The following PDXDC1 variants were observed in gnomAD, a reference collection of about 807,000 sequenced individuals.
PDXDC1 encodes pyridoxal-dependent decarboxylase domain-containing protein 1.
A neutral mutation model predicts 100.1 loss-of-function variants in PDXDC1; 42 were observed. The ratio of observed to expected loss-of-function variants is 0.42; its 90% confidence interval spans 0.33 to 0.54. The LOEUF is 0.54. Among genes scored for constraint, PDXDC1 ranks in the 20% least tolerant of loss-of-function variants. PDXDC1 has a pLI of 0.10. For synonymous variants in PDXDC1, 260 were observed against 371.7 expected, an observed-to-expected ratio of 0.70 and a Z score of 3.46; for missense variants, 636 against 979.2, an observed-to-expected ratio of 0.65 and a Z score of 4.68.
downstream of PDXDC1, among the ~76,000 whole-genome samples, chr16:15,144,032 C>G (rs1298697902): frequency 6.6e-5 from 10 of 152,192 alleles, no homozygotes; most frequent in Non-Finnish European, 2.9e-5. Context: ...CCTCCCTCGG[C>G]AGGGGCAGGA....
downstream of PDXDC1, among the ~76,000 whole-genome samples, chr16:15,139,925 A>G (rs574054522): frequency 9.5e-4 from 144 of 152,092 alleles, no homozygotes; most frequent in African/African-American, 2.9e-3. Flanking sequence ...GTGAAACCCC[A>G]TCTCTACTAA....
chr16:15,047,210 T>G, intron 16 of PDXDC1: 1 of 524,408 alleles, frequency 1.9e-6, no homozygotes, highest in South Asian at 2.9e-5. Context: ...AAGTTCAAAG[T>G]CAAGCCTTCC....
chr16:14,983,353 A>G (rs1187967842), intron 1 of PDXDC1, among the ~76,000 whole-genome samples: 3 of 152,214 alleles, frequency 2.0e-5, no homozygotes, highest in Non-Finnish European at 4.4e-5. Context: ...CGGGCAGATC[A>G]TGAGGTCAGG....
the PDXDC1 span, among the ~76,000 whole-genome samples, chr16:15,146,942 C>G: frequency 1.3e-5 from 2 of 152,058 alleles, no homozygotes; most frequent in Non-Finnish European, 2.9e-5. Flanking sequence ...GGACCAAGGT[C>G]ACACCAGAAG....
intron 16 of PDXDC1, chr16:15,135,935 T>C: frequency 6.3e-7 from 1 of 1,579,186 alleles, no homozygotes; most frequent in East Asian, 2.2e-5. Context: ...CCGGCTCACG[T>C]CCACGCCGGG....
At chr16:15,148,247 G>A in the PDXDC1 span, among the ~76,000 whole-genome samples, 2 of 151,892 alleles carry the variant, frequency 1.3e-5, no homozygotes, top group South Asian at 2.1e-4. Flanking sequence ...GTGAGGCACC[G>A]CGCCCGGCTG....
In PDXDC1 at chr16:15,033,319, A is replaced by C; in HGVS notation, c.1732A>C (p.Met578Leu). The C allele has an allele frequency of 1.2e-6, 2 of 1,614,212 alleles. No homozygotes were observed. The highest frequency in any genetic ancestry group is 1.7e-6 in the Non-Finnish European group (2 of 1,180,008). Residue 578 changes from methionine to leucine, a missense_variant, in exon 19 of 23, where the codon ATG becomes CTG. Transcript: ENST00000396410. ...KSMKSCLYVG[M>L]ASDNVDAAEL... Reference sequence around the variant, plus strand: ...CATGAAGAGCTGCCTTTATGTCGGCATGGCGAGCGACAACGTCGATGCTGC... The same window carrying C: ...CATGAAGAGCTGCCTTTATGTCGGCCTGGCGAGCGACAACGTCGATGCTGC...
At chr16:15,063,196 C>A in intron 16 of PDXDC1, 1 of 1,600,694 alleles carries the variant, frequency 6.2e-7, no homozygotes, top group Non-Finnish European at 8.6e-7. Context: ...ACAAACTGAC[C>A]TTTTTCATGG....
intron 16 of PDXDC1, chr16:15,129,822 G>T: frequency 1.3e-6 from 1 of 749,386 alleles, no homozygotes; most frequent in Admixed American, 2.0e-5. Context: ...CTCCCAGAGG[G>T]TGCAACCAGC....
At position 14,989,454 on chromosome 16, in the gene PDXDC1, A is replaced by G. The variant is rs992130699; in HGVS notation, c.22-8299A>G. The G allele has an allele frequency of 2.5e-6, 4 of 1,609,358 alleles. No homozygotes were observed. The African/African-American group carries it at 5.3e-5, about 21-fold the overall frequency. On this transcript the variant is annotated intron_variant, in intron 1 of 22. Coordinates refer to ENST00000396410, the MANE Select transcript of PDXDC1 (RefSeq NM_015027.4). ...GAACTGATGGTCTCCGACCTTCTCC[A>G]GGGTACTGGTGAAGGCCTTGGGGGC...
At chr16:15,033,779 C>A (rs2043219296) in intron 19 of PDXDC1, among the ~76,000 whole-genome samples, 1 of 152,172 alleles carries the variant, frequency 6.6e-6, no homozygotes, top group Non-Finnish European at 1.5e-5. Context: ...GTGTGGTTCC[C>A]CCTACACCCC....
At chr16:14,994,280 A>G (rs376982438) in intron 1 of PDXDC1, among the ~76,000 whole-genome samples, 1 of 152,264 alleles carries the variant, frequency 6.6e-6, no homozygotes, top group African/African-American at 2.4e-5. Flanking sequence ...TAGGTCTAAC[A>G]TTTAAGTCTT....
chr16:15,078,550 A>C (rs567649450), intron 16 of PDXDC1, among the ~76,000 whole-genome samples: 1 of 152,246 alleles, frequency 6.6e-6, no homozygotes, highest in Non-Finnish European at 1.5e-5. Flanking sequence ...CTTTCTAAAA[A>C]ATGACAGCAG....
intron 16 of PDXDC1, chr16:15,070,177 G>A: frequency 6.2e-7 from 1 of 1,609,882 alleles, no homozygotes; most frequent in Non-Finnish European, 8.5e-7. Flanking sequence ...ATCGCAGAAT[G>A]CCTTTGTTCC....
chr16:15,146,185 C>T, the PDXDC1 span, among the ~76,000 whole-genome samples: 2 of 152,158 alleles, frequency 1.3e-5, no homozygotes, highest in African/African-American at 4.8e-5. Context: ...ACAGAGATGG[C>T]TCCAGCAGGA....
upstream of PDXDC1, chr16:14,975,010 G>C: frequency 3.3e-6 from 5 of 1,534,694 alleles, no homozygotes; most frequent in Non-Finnish European, 4.4e-6. Flanking sequence ...AGCGCTACGG[G>C]GCCCCGCCCC....
intron 16 of PDXDC1, among the ~76,000 whole-genome samples, chr16:15,058,412 C>A (rs1488446462): frequency 1.3e-5 from 2 of 152,142 alleles, no homozygotes; most frequent in African/African-American, 4.8e-5. Flanking sequence ...AGAATATATA[C>A]AGGGAAATAT....
At chr16:15,023,628 CAGCCTGGGTGACAGAG>C (rs1315684625) in intron 13 of PDXDC1, among the ~76,000 whole-genome samples, 2 of 152,262 alleles carry the variant, frequency 1.3e-5, no homozygotes, top group African/African-American at 4.8e-5. Context: ...CTCTGCACTC[CAGCCTGGGTGACAGAG>C]ACCCTGTCTC....
chr16:15,097,642 CAA>C (rs139975371), intron 16 of PDXDC1, among the ~76,000 whole-genome samples: 37 of 115,666 alleles, frequency 3.2e-4, no homozygotes, highest in Middle Eastern at 4.0e-3. Flanking sequence ...ACTCCGTCTC[CAA>C]AAAAAAAAAA....
Sources: allele counts gnomAD v4.1 joint callset (sites outside exome capture counted in the v4.1 genomes callset), GRCh38; gene constraint gnomAD v4.1.1; transcripts MANE v1.5; gene names NCBI Gene and HGNC (gene_info 2026-07-23, HGNC 2026-07-21).